Variants in NEXMIF observed in about 807,000 individuals in gnomAD.
NEXMIF encodes neurite extension and migration factor, also known as XLMR protein related to neurite extension.
NEXMIF carries 8 observed loss-of-function variants against 62.1 expected under a neutral mutation model. That is an observed-to-expected ratio of 0.13 (90% CI 0.08 to 0.23). The LOEUF is 0.23. NEXMIF is among the 10% of genes least tolerant of loss of function. The pLI is 1.00. For missense variants in NEXMIF, 976 were observed against 1,113.3 expected, an observed-to-expected ratio of 0.88 and a Z score of 1.75; for synonymous variants, 404 against 416.6, an observed-to-expected ratio of 0.97 and a Z score of 0.37.
chrX:74,881,342 C>T (rs1044298915), intron 1 of NEXMIF, among the ~76,000 whole-genome samples: 6 of 106,119 alleles, frequency 5.7e-5, no homozygotes, highest in Admixed American at 2.1e-4. Context: ...GAGGGCTTTC[C>T]TACATTTACT....
chrX:74,901,934 T>C (rs1002542172), intron 1 of NEXMIF, among the ~76,000 whole-genome samples: 1 of 111,561 alleles, frequency 9.0e-6, no homozygotes, highest in South Asian at 3.7e-4. Flanking sequence ...ATTCAGGACA[T>C]TTTTTAAAAT....
At chrX:74,852,691 A>G (rs1249328253) in intron 1 of NEXMIF, among the ~76,000 whole-genome samples, 1 of 112,239 alleles carries the variant, frequency 8.9e-6, no homozygotes, top group Non-Finnish European at 1.9e-5. Flanking sequence ...ATGCTCCTGA[A>G]TGACCACTGG....
At chrX:74,749,575 C>A (rs1020208614) in intron 1 of NEXMIF, among the ~76,000 whole-genome samples, 1 of 110,473 alleles carries the variant, frequency 9.1e-6, no homozygotes, top group African/African-American at 3.3e-5. Context: ...ACTTGATATT[C>A]TCTCTGTTTG....
chrX:74,741,695 T>C lies in NEXMIF; in HGVS notation c.2862A>G (p.Gln954=). 1.7e-6 allele frequency: 2 copies of C among 1,211,806 alleles called. No individual in the cohort carries two copies. Among genetic ancestry groups the C allele is most frequent in the Non-Finnish European group, 2.2e-6 (2 of 895,379 alleles). ...AGTCATCAGATGGGAGTTGGGTATC[T>C]TGCATGGAGTCATACAGGACCTTGT... ...NCNKVLYDSM[Q]DTQLPSDDSY... The change falls in exon 3 of 4, where the codon CAA becomes CAG. Residue 954 remains glutamine (Q), a synonymous_variant. Coordinates refer to ENST00000055682, the MANE Select transcript of NEXMIF (RefSeq NM_001008537.3).
intron 1 of NEXMIF, among the ~76,000 whole-genome samples, chrX:74,789,685 T>C (rs1453972820): frequency 9.1e-6 from 1 of 110,359 alleles, no homozygotes; most frequent in East Asian, 2.9e-4. Context: ...TGTGAGATGG[T>C]ATCTCATTGT....
At chrX:74,766,399 T>C (rs1315635618) in intron 1 of NEXMIF, among the ~76,000 whole-genome samples, 2 of 112,359 alleles carry the variant, frequency 1.8e-5, no homozygotes, top group South Asian at 3.7e-4. Flanking sequence ...CCTCTTTACA[T>C]AACCCCATAT....
intron 1 of NEXMIF, among the ~76,000 whole-genome samples, chrX:74,920,555 A>C (rs2080823405): frequency 2.7e-5 from 3 of 109,896 alleles, no homozygotes; most frequent in Admixed American, 9.7e-5. Context: ...GGTTGCAAAA[A>C]TTTTCTCCCA....
At chrX:74,886,712 T>C (rs1266699106) in intron 1 of NEXMIF, among the ~76,000 whole-genome samples, 1 of 110,316 alleles carries the variant, frequency 9.1e-6, no homozygotes, top group East Asian at 2.8e-4. Context: ...ATCATGACAA[T>C]GGCCATACTG....
intron 1 of NEXMIF, among the ~76,000 whole-genome samples, chrX:74,908,692 GCACA>G (rs745450977): frequency 3.6e-5 from 4 of 110,620 alleles, no homozygotes; most frequent in African/African-American, 1.3e-4. Context: ...ACATGCACGT[GCACA>G]CACACACACA....
At chrX:74,859,377 A>G (rs2080547206) in intron 1 of NEXMIF, among the ~76,000 whole-genome samples, 1 of 111,876 alleles carries the variant, frequency 8.9e-6, no homozygotes, top group Non-Finnish European at 1.9e-5. Flanking sequence ...ATGACAGAAA[A>G]TAACTTTTAC....
intron 1 of NEXMIF, among the ~76,000 whole-genome samples, chrX:74,876,145 T>C (rs1415620633): frequency 9.0e-6 from 1 of 111,301 alleles, no homozygotes; most frequent in Non-Finnish European, 1.9e-5. Context: ...TAAATTTCCC[T>C]CCACACACTG....
At chrX:74,887,075 G>T (rs1316884927) in intron 1 of NEXMIF, among the ~76,000 whole-genome samples, 2 of 112,376 alleles carry the variant, frequency 1.8e-5, no homozygotes, top group Non-Finnish European at 3.8e-5. Flanking sequence ...AATAAATGGT[G>T]CTGGAAAAAC....
chrX:74,831,321 C>T (rs2080436082), intron 1 of NEXMIF, among the ~76,000 whole-genome samples: 1 of 108,206 alleles, frequency 9.2e-6, no homozygotes, highest in Non-Finnish European at 1.9e-5. Context: ...TTACGTATAT[C>T]TCCTAATGCT....
At chrX:74,841,281 C>A (rs890147973) in intron 1 of NEXMIF, among the ~76,000 whole-genome samples, 5 of 111,319 alleles carry the variant, frequency 4.5e-5, no homozygotes, top group Non-Finnish European at 9.4e-5. Context: ...CTCGGTCTGG[C>A]TGTTGTTGGT....
At chrX:74,867,895 G>T (rs775169782) in intron 1 of NEXMIF, among the ~76,000 whole-genome samples, 1 of 111,835 alleles carries the variant, frequency 8.9e-6, no homozygotes, top group African/African-American at 3.3e-5. Context: ...TCTGACAAAG[G>T]TCTAATATCC....
In NEXMIF at chrX:74,796,229, A is replaced by AAT. The variant is rs751692812; in HGVS notation, c.-47-50534_-47-50533dup. Among the ~76,000 whole-genome samples, 47 of 60,622 alleles carry AAT rather than the reference A, an allele frequency of 7.8e-4. No individual in the cohort carries two copies. In the South Asian group the frequency reaches 0.019, roughly 24 times the overall value. 52.6% of individuals were successfully genotyped at this position (60,622 alleles called of 115,157 possible). A position where few individuals can be genotyped will look rare whatever the true frequency, so the allele number is the denominator to read the frequency against. On this transcript the variant is annotated intron_variant, in intron 1 of 3. Transcript: ENST00000055682. ...ATATATTATATATATATACATATAT[A>AAT]ATATATATATATATACACATATATA... is the stretch of plus-strand genomic sequence containing the variant.
chrX:74,801,835 C>G (rs967017446), intron 1 of NEXMIF, among the ~76,000 whole-genome samples: 2 of 111,973 alleles, frequency 1.8e-5, no homozygotes, highest in Non-Finnish European at 1.9e-5. Flanking sequence ...GCCCACTGCC[C>G]TGAAAGGAGA....
At chrX:74,876,879 G>A (rs2080637167) in intron 1 of NEXMIF, among the ~76,000 whole-genome samples, 2 of 109,898 alleles carry the variant, frequency 1.8e-5, no homozygotes, top group South Asian at 4.0e-4. Context: ...TTGAGCCTAT[G>A]TGTGTCTCTG....
At chrX:74,851,317 T>C (rs1435106270) in intron 1 of NEXMIF, among the ~76,000 whole-genome samples, 1 of 111,658 alleles carries the variant, frequency 9.0e-6, no homozygotes, top group Non-Finnish European at 1.9e-5. Context: ...AACAAAATAA[T>C]AGCTGAAAAC....
Sources: allele counts gnomAD v4.1 joint callset (sites outside exome capture counted in the v4.1 genomes callset), GRCh38; gene constraint gnomAD v4.1.1; transcripts MANE v1.5; gene names NCBI Gene and HGNC (gene_info 2026-07-23, HGNC 2026-07-21).